PHTF2: variants seen among roughly 807,000 people sequenced by gnomAD.
The protein encoded by PHTF2 is putative homeodomain transcription factor 2.
PHTF2 carries 60 observed loss-of-function variants against 101.2 expected under a neutral mutation model. The ratio of observed to expected loss-of-function variants is 0.59; its 90% CI spans 0.48 to 0.73. The LOEUF is 0.73. PHTF2 is among the 30% of genes least tolerant of loss of function. The probability of loss-of-function intolerance (pLI) is 0.00; values close to 1 mark genes in which losing one functional copy is unlikely to be tolerated. For synonymous variants in PHTF2, 311 were observed against 307.3 expected (o/e 1.01, Z -0.13); for missense variants, 747 against 908.7 (o/e 0.82, Z 2.29).
chr7:77,862,493 AT>A (rs1179599679), intron 3 of PHTF2, among the ~76,000 whole-genome samples: 3 of 152,200 alleles, frequency 2.0e-5, no homozygotes, highest in Non-Finnish European at 2.9e-5. Context: ...GGAAGCAATC[AT>A]TGGCCTGTAG....
chr7:77,833,809 G>C (rs2150559094), intron 1 of PHTF2, among the ~76,000 whole-genome samples: 1 of 152,276 alleles, frequency 6.6e-6, no homozygotes, highest in East Asian at 1.9e-4. Flanking sequence ...CTGGGTGACA[G>C]TGAGACCCTA....
chr7:77,938,468 C>T (rs144270946), intron 13 of PHTF2, among the ~76,000 whole-genome samples: 7 of 152,296 alleles, frequency 4.6e-5, no homozygotes, highest in Admixed American at 2.6e-4. Context: ...CGGTGGCTCA[C>T]GCCTGTAATC....
At chr7:77,906,884 G>T (rs1801907103) in intron 7 of PHTF2, among the ~76,000 whole-genome samples, 1 of 149,232 alleles carries the variant, frequency 6.7e-6, no homozygotes, top group East Asian at 2.0e-4. Flanking sequence ...CTCCAGCCTG[G>T]GCAGCAGAGC....
At chr7:77,940,140 A>T in exon 14 of PHTF2, 1 of 1,613,896 alleles carries the variant, frequency 6.2e-7, no homozygotes, top group Non-Finnish European at 8.5e-7. Context: ...CAGACTTGGA[A>T]CAACTCACAG....
At chr7:77,947,822 T>TTTTC (rs1159207902) in intron 16 of PHTF2, among the ~76,000 whole-genome samples, 69 of 124,618 alleles carry the variant, frequency 5.5e-4, no homozygotes, top group African/African-American at 1.3e-3. Flanking sequence ...TTATTTTCTT[T>TTTTC]TTTCTTTTTT....
chr7:77,814,106 T>C (rs1017600047), intron 1 of PHTF2, among the ~76,000 whole-genome samples: 9 of 152,226 alleles, frequency 5.9e-5, no homozygotes, highest in Non-Finnish European at 1.2e-4. Context: ...TCATTAACTT[T>C]CCATCTACCT....
At chr7:77,830,980 G>A (rs796636267) in intron 1 of PHTF2, among the ~76,000 whole-genome samples, 3 of 152,296 alleles carry the variant, frequency 2.0e-5, no homozygotes, top group East Asian at 1.9e-4. Context: ...TTTGTAAAGG[G>A]GGAAGACCCA....
At chr7:77,852,241 C>G (rs922626590) in intron 2 of PHTF2, among the ~76,000 whole-genome samples, 5 of 152,200 alleles carry the variant, frequency 3.3e-5, no homozygotes, top group Non-Finnish European at 5.9e-5. Context: ...CCTGTATTCC[C>G]AGCACTTTCG....
intron 11 of PHTF2, among the ~76,000 whole-genome samples, chr7:77,927,301 A>G (rs1019578173): frequency 2.6e-5 from 4 of 151,796 alleles, no homozygotes; most frequent in Non-Finnish European, 5.9e-5. Flanking sequence ...AATATAAATA[A>G]TAACTCACTT....
chr7:77,956,238 A>G (rs990063016), exon 20 of PHTF2: 3 of 152,686 alleles, frequency 2.0e-5, no homozygotes, highest in South Asian at 2.1e-4. Flanking sequence ...ATCATGTGGA[A>G]TATCCTCATA....
intron 3 of PHTF2, among the ~76,000 whole-genome samples, chr7:77,859,947 C>T (rs1055691292): frequency 6.6e-6 from 1 of 152,090 alleles, no homozygotes; most frequent in African/African-American, 2.4e-5. Flanking sequence ...GCTTTCAGTT[C>T]TTATTAAATA....
At chr7:77,933,794 A>G (rs1290978244) in intron 12 of PHTF2, among the ~76,000 whole-genome samples, 2 of 151,734 alleles carry the variant, frequency 1.3e-5, no homozygotes, top group Non-Finnish European at 2.9e-5. Flanking sequence ...GAATGCCTGA[A>G]ACAAAATTAA....
At chr7:77,909,174 TTTTTTTTTTC>T in intron 8 of PHTF2, 1 of 397,286 alleles carries the variant, frequency 2.5e-6, no homozygotes, top group Non-Finnish European at 4.5e-6. Context: ...TGTTTCTTTT[TTTTTTTTTTC>T]CTTGAAGCTC....
At chr7:77,888,324 C>T (rs1800057323) in intron 3 of PHTF2, among the ~76,000 whole-genome samples, 1 of 152,172 alleles carries the variant, frequency 6.6e-6, no homozygotes, top group African/African-American at 2.4e-5. Flanking sequence ...CCATGTTGGC[C>T]AGGCTGGTCT....
intron 10 of PHTF2, 100 bp downstream of exon 9, chr7:77,920,565 C>T: frequency 1.3e-6 from 1 of 795,618 alleles, no homozygotes. Flanking sequence ...GTATTTTCTC[C>T]AGAATTAATT....
chr7:77,854,788 A>G, exon 3 of PHTF2: 1 of 752,020 alleles, frequency 1.3e-6, no homozygotes, highest in Non-Finnish European at 2.4e-6. Flanking sequence ...CTGCCTGGCT[A>G]CTGCCAGTGT....
intron 1 of PHTF2, among the ~76,000 whole-genome samples, chr7:77,827,844 A>C (rs958467507): frequency 2.6e-5 from 4 of 151,256 alleles, no homozygotes; most frequent in African/African-American, 7.3e-5. Flanking sequence ...GAGTTTCACC[A>C]TGTTGGTCAG....
chr7:77,800,557 A>G (rs1481450031), intron 1 of PHTF2, among the ~76,000 whole-genome samples: 1 of 152,230 alleles, frequency 6.6e-6, no homozygotes, highest in Admixed American at 6.5e-5. Context: ...CTCCAAGAGT[A>G]AACTTTTTTT....
At chr7:77,936,494 G>A (rs1202734719) in intron 12 of PHTF2, among the ~76,000 whole-genome samples, 1 of 151,930 alleles carries the variant, frequency 6.6e-6, no homozygotes, top group African/African-American at 2.4e-5. Context: ...GGTCAACATG[G>A]TGAAACCCCG....
Sources: gnomAD v4.1 joint callset for allele counts (sites outside exome capture counted in the v4.1 genomes callset) on GRCh38, gnomAD v4.1.1 for gene constraint, MANE v1.5 for transcripts, NCBI Gene and HGNC (gene_info 2026-07-23, HGNC 2026-07-21) for gene names.